ZFPM2: variants seen among roughly 807,000 people sequenced by gnomAD.
ZFPM2 encodes the protein zinc finger protein ZFPM2.
Under a neutral mutation model 98.6 loss-of-function variants are expected in ZFPM2, and 20 were observed. That is an observed-to-expected ratio of 0.20 (90% CI 0.14 to 0.29). The LOEUF is 0.29. Among genes scored for constraint, ZFPM2 ranks in the 10% least tolerant of loss-of-function variants. ZFPM2 has a pLI of 1.00. For synonymous variants in ZFPM2, 518 were observed against 502.7 expected (o/e 1.03, Z -0.41); for missense variants, 1,310 against 1,388.6 (o/e 0.94, Z 0.90).
chr8:105,603,758 A>T (rs13282804), intron 4 of ZFPM2, among the ~76,000 whole-genome samples: 29,205 of 151,928 alleles, frequency 0.19, 2,894 homozygotes, highest in South Asian at 0.26. Flanking sequence ...TTTTAAGAAA[A>T]TGAAAGCAGG....
At chr8:105,529,767 G>A (rs1211944498) in intron 3 of ZFPM2, among the ~76,000 whole-genome samples, 1 of 151,802 alleles carries the variant, frequency 6.6e-6, no homozygotes, top group Non-Finnish European at 1.5e-5. Context: ...GTCTTGCACT[G>A]TCTCCTGGGC....
intron 1 of ZFPM2, among the ~76,000 whole-genome samples, chr8:105,392,057 C>A (rs1164161687): frequency 6.6e-6 from 1 of 152,168 alleles, no homozygotes; most frequent in East Asian, 1.9e-4. Context: ...TCCAACTTTG[C>A]AGAATGGATT....
intron 5 of ZFPM2, among the ~76,000 whole-genome samples, chr8:105,687,505 A>G (rs1015856829): frequency 5.3e-5 from 8 of 152,210 alleles, no homozygotes; most frequent in Non-Finnish European, 1.0e-4. Flanking sequence ...AAAATTGTCT[A>G]GAAACTTGTG....
At chr8:105,432,463 T>C (rs1417822253) in intron 2 of ZFPM2, among the ~76,000 whole-genome samples, 1 of 152,182 alleles carries the variant, frequency 6.6e-6, no homozygotes, top group Admixed American at 6.5e-5. Flanking sequence ...TTAAATAAGG[T>C]CCTATTTAAC....
intron 3 of ZFPM2, among the ~76,000 whole-genome samples, chr8:105,454,625 TC>T (rs1812552447): frequency 6.6e-6 from 1 of 152,200 alleles, no homozygotes; most frequent in South Asian, 2.1e-4. Flanking sequence ...ATTGCCAGGA[TC>T]CCTTGTATCT....
rs80031764 is a variant in ZFPM2 at position 105,767,130 on chromosome 8, G to A, written c.533-21588G>A. ...TTGTGGTTTTAAAACAGTGGAGATGGAGGGGTTAGGGGTGCAGTCTGGAAG... is the reference window on the plus strand; with the variant it reads ...TTGTGGTTTTAAAACAGTGGAGATGAAGGGGTTAGGGGTGCAGTCTGGAAG... On this transcript the variant is annotated intron_variant, in intron 5 of 7. Coordinates refer to ENST00000407775, the MANE Select transcript of ZFPM2 (RefSeq NM_012082.4). Among the ~76,000 whole-genome samples the A allele has an allele frequency of 2.2e-4, 33 of 151,828 alleles. 1 individual carries two copies. The East Asian group carries it at 5.6e-3, about 26-fold the overall frequency.
chr8:105,742,921 A>G (rs1196674304), intron 5 of ZFPM2, among the ~76,000 whole-genome samples: 1 of 152,124 alleles, frequency 6.6e-6, no homozygotes, highest in East Asian at 1.9e-4. Context: ...GGTGTGATGA[A>G]TTTTGAAATC....
chr8:105,381,175 T>C (rs984640962), intron 1 of ZFPM2, among the ~76,000 whole-genome samples: 6 of 148,908 alleles, frequency 4.0e-5, no homozygotes, highest in African/African-American at 1.5e-4. Context: ...GAACATGCAG[T>C]GTTTGGTTTT....
At position 105,724,740 on chromosome 8, in the gene ZFPM2, GTT is replaced by G. The variant is rs1385314706; in HGVS notation, c.533-63975_533-63974del. Among the ~76,000 whole-genome samples, 7 of 151,800 alleles carry G rather than the reference GTT, an allele frequency of 4.6e-5. No homozygotes were observed. The South Asian group carries it at 1.2e-3, about 27-fold the overall frequency. ...ACTTTTTCTGTTTGTGTTTGAGTAA[GTT>G]TTGATAAATTTTAACTTTTTGTAGT... On this transcript the variant is annotated intron_variant, in intron 5 of 7. Transcript: ENST00000407775.
chr8:105,540,254 G>A (rs1173336180), intron 3 of ZFPM2, among the ~76,000 whole-genome samples: 1 of 152,064 alleles, frequency 6.6e-6, no homozygotes, highest in African/African-American at 2.4e-5. Context: ...TTTGTTGGAG[G>A]ATGTTAAGCA....
At chr8:105,674,512 A>G (rs529792603) in intron 5 of ZFPM2, among the ~76,000 whole-genome samples, 4 of 152,288 alleles carry the variant, frequency 2.6e-5, no homozygotes, top group East Asian at 1.9e-4. Context: ...GGAAATCACA[A>G]TGGGTTGGTT....
At chr8:105,545,604 C>T (rs909930756) in intron 3 of ZFPM2, among the ~76,000 whole-genome samples, 45 of 152,108 alleles carry the variant, frequency 3.0e-4, no homozygotes, top group African/African-American at 1.0e-3. Context: ...GGTGGCTTAC[C>T]ATGGGCATTA....
intron 6 of ZFPM2, 182 bp downstream of exon 6, chr8:105,789,106 T>TTAAG (rs1813514353): frequency 3.5e-6 from 2 of 567,398 alleles, no homozygotes; most frequent in African/African-American, 3.7e-5. Context: ...TTTTTATACT[T>TTAAG]TAAGTTTTAG....
intron 4 of ZFPM2, among the ~76,000 whole-genome samples, chr8:105,563,137 G>A (rs1051776982): frequency 6.6e-6 from 1 of 152,188 alleles, no homozygotes; most frequent in African/African-American, 2.4e-5. Flanking sequence ...AGAACTCCCA[G>A]AGGGGTTTCG....
At chr8:105,360,716 A>G (rs1483150625) in intron 1 of ZFPM2, among the ~76,000 whole-genome samples, 1 of 146,662 alleles carries the variant, frequency 6.8e-6, no homozygotes, top group Non-Finnish European at 1.5e-5. Context: ...GAGTGAGAAT[A>G]TGCGGTGTTT....
chr8:105,729,781 A>G (rs1034894259), intron 5 of ZFPM2, among the ~76,000 whole-genome samples: 9 of 151,562 alleles, frequency 5.9e-5, no homozygotes, highest in African/African-American at 2.2e-4. Flanking sequence ...TGTCTTTCTC[A>G]TTGTCAAAGT....
At chr8:105,765,764 G>A (rs1036265051) in intron 5 of ZFPM2, among the ~76,000 whole-genome samples, 1 of 151,794 alleles carries the variant, frequency 6.6e-6, no homozygotes, top group Non-Finnish European at 1.5e-5. Flanking sequence ...TCTAGCAATC[G>A]GTTCAATAAG....
chr8:105,564,811 G>A (rs954402693), intron 4 of ZFPM2, among the ~76,000 whole-genome samples: 12 of 151,604 alleles, frequency 7.9e-5, no homozygotes, highest in Admixed American at 2.0e-4. Flanking sequence ...TTTTTTCCCC[G>A]ATGGGCAAAA....
chr8:105,564,238 G>A (rs1450466972), intron 4 of ZFPM2, among the ~76,000 whole-genome samples: 1 of 151,734 alleles, frequency 6.6e-6, no homozygotes, highest in Non-Finnish European at 1.5e-5. Flanking sequence ...CTACTCTTAA[G>A]TTTATCAACA....
Sources: gnomAD v4.1 joint callset for allele counts (sites outside exome capture counted in the v4.1 genomes callset) on GRCh38, gnomAD v4.1.1 for gene constraint, MANE v1.5 for transcripts, NCBI Gene and HGNC (gene_info 2026-07-23, HGNC 2026-07-21) for gene names.